The following MECOM variants were observed in gnomAD, a reference collection of about 807,000 sequenced individuals.
The protein encoded by MECOM is MDS1 and EVI1 complex locus.
MECOM carries 13 observed loss-of-function variants against 116.3 expected under a neutral mutation model. The ratio of observed to expected loss-of-function variants is 0.11; its 90% CI spans 0.07 to 0.18. The LOEUF is 0.18. Among genes scored for constraint, MECOM ranks in the 10% least tolerant of loss-of-function variants. MECOM has a pLI of 1.00. For synonymous variants in MECOM, 528 were observed against 535.2 expected (o/e 0.99, Z 0.19); for missense variants, 1,299 against 1,509.0 (o/e 0.86, Z 2.31).
chr3:169,322,607 GA>G (rs748692276), intron 2 of MECOM, among the ~76,000 whole-genome samples: 15 of 151,930 alleles, frequency 9.9e-5, no homozygotes, highest in Non-Finnish European at 1.6e-4. Context: ...ATTCTTCCTG[GA>G]GTGTTCACCA....
intron 2 of MECOM, among the ~76,000 whole-genome samples, chr3:169,292,105 G>C (rs1212371056): frequency 6.6e-6 from 1 of 152,066 alleles, no homozygotes; most frequent in African/African-American, 2.4e-5. Context: ...TTTTTTGGGA[G>C]GCCGAGGCAG....
chr3:169,475,472 CTG>C (rs1423138426), intron 1 of MECOM, among the ~76,000 whole-genome samples: 1 of 152,118 alleles, frequency 6.6e-6, no homozygotes, highest in East Asian at 1.9e-4. Context: ...ACAAGCCAAA[CTG>C]AGAATTTCTA....
chr3:169,307,461 C>T (rs1717932794), intron 2 of MECOM, among the ~76,000 whole-genome samples: 1 of 152,118 alleles, frequency 6.6e-6, no homozygotes, highest in South Asian at 2.1e-4. Flanking sequence ...GTGGTCCCGG[C>T]TACTTGGGAG....
intron 1 of MECOM, among the ~76,000 whole-genome samples, chr3:169,657,158 G>C (rs1775636277): frequency 6.6e-6 from 1 of 152,202 alleles, no homozygotes; most frequent in Admixed American, 6.5e-5. Flanking sequence ...TCTGTCCCCT[G>C]TAGACCCAGT....
At chr3:169,613,504 T>C (rs1769539088) in intron 1 of MECOM, 1 of 152,254 alleles carries the variant, frequency 6.6e-6, no homozygotes, top group Non-Finnish European at 1.5e-5. Flanking sequence ...TGTGGACCTG[T>C]GACCCTGAGT....
chr3:169,355,208 A>C (rs1186163675), intron 2 of MECOM, among the ~76,000 whole-genome samples: 1 of 151,918 alleles, frequency 6.6e-6, no homozygotes. Flanking sequence ...CATATGCATA[A>C]TTTTGTTTGA....
chr3:169,164,316 A>T (rs529815188), intron 2 of MECOM, among the ~76,000 whole-genome samples: 5 of 152,242 alleles, frequency 3.3e-5, no homozygotes, highest in African/African-American at 1.2e-4. Flanking sequence ...TGCCATCCAC[A>T]TAAGATGTGA....
At chr3:169,096,149 G>T (rs73029115) in intron 12 of MECOM, among the ~76,000 whole-genome samples, 4,392 of 152,004 alleles carry the variant, frequency 0.029, 200 homozygotes, top group African/African-American at 0.1. Context: ...AGGGTTTTTA[G>T]TAATTGAGAA....
intron 1 of MECOM, among the ~76,000 whole-genome samples, chr3:169,631,133 A>T (rs1772029491): frequency 6.6e-6 from 1 of 152,254 alleles, no homozygotes; most frequent in African/African-American, 2.4e-5. Flanking sequence ...CTGGCTTCAA[A>T]GCCCAGCCTT....
rs1243528244 is a variant in MECOM at position 169,116,179 on chromosome 3, A to C, written c.1693T>G (p.Ser565Ala). 1 of 1,614,176 alleles carries C rather than the reference A, an allele frequency of 6.2e-7. No individual in the cohort carries two copies. The highest frequency in any genetic ancestry group is 1.1e-5 in the South Asian group (1 of 91,084). Residue 565 changes from serine (S) to alanine (A), a missense_variant, in exon 8 of 17, where the codon TCT (serine) becomes GCT (alanine). By Grantham distance (99) the Ser-to-Ala change is moderately conservative. Coordinates refer to ENST00000651503, the MANE Select transcript of MECOM (RefSeq NM_004991.4). ...ATTTTCTCAAAGGGCCTCTCTTCAGAGGACCTCTCGGGCTGGAGCTCCACT... is the reference window on the plus strand; with the variant it reads ...ATTTTCTCAAAGGGCCTCTCTTCAGCGGACCTCTCGGGCTGGAGCTCCACT... Reference protein sequence around the residue: ...KPVELQPERSSEERPFEKISD... With the variant: ...KPVELQPERSAEERPFEKISD...
intron 2 of MECOM, among the ~76,000 whole-genome samples, chr3:169,155,959 T>A (rs1026497930): frequency 2.6e-5 from 4 of 152,210 alleles, no homozygotes; most frequent in African/African-American, 9.6e-5. Context: ...CAGTATGTAA[T>A]ATTAAAAGCA....
chr3:169,409,874 G>A (rs985212272), intron 1 of MECOM, among the ~76,000 whole-genome samples: 1 of 152,166 alleles, frequency 6.6e-6, no homozygotes, highest in African/African-American at 2.4e-5. Flanking sequence ...GTAACCTAAA[G>A]TCAGAGAAAA....
At chr3:169,463,104 T>C (rs1441420734) in intron 1 of MECOM, among the ~76,000 whole-genome samples, 1 of 152,178 alleles carries the variant, frequency 6.6e-6, no homozygotes, top group Non-Finnish European at 1.5e-5. Flanking sequence ...GGCACACATT[T>C]ATATGTCTGT....
At chr3:169,495,146 T>C (rs980437867) in intron 1 of MECOM, among the ~76,000 whole-genome samples, 5 of 152,196 alleles carry the variant, frequency 3.3e-5, no homozygotes, top group Non-Finnish European at 5.9e-5. Flanking sequence ...AGTGCTATTT[T>C]CCAACCCGTT....
intron 3 of MECOM, among the ~76,000 whole-genome samples, chr3:169,137,367 AG>A (rs1736683547): frequency 6.6e-6 from 1 of 152,140 alleles, no homozygotes; most frequent in South Asian, 2.1e-4. Flanking sequence ...ACTCCAATTC[AG>A]GAATGATGTA....
intron 2 of MECOM, among the ~76,000 whole-genome samples, chr3:169,198,822 G>GATC (rs1748780593): frequency 6.6e-6 from 1 of 151,908 alleles, no homozygotes; most frequent in African/African-American, 2.4e-5. Context: ...TATGATAAAA[G>GATC]ATCAAGCAGC....
Position 169,083,874 on chromosome 3 carries a change from G to A in MECOM, c.*1035C>T, listed in dbSNP as rs1251355959. On this transcript the variant is annotated 3_prime_UTR_variant, in exon 17 of 17. Coordinates refer to ENST00000651503, the MANE Select transcript of MECOM (RefSeq NM_004991.4). The stretch of plus-strand genomic sequence containing the variant: ...TTATAATCGTTTATACAATTGAATC[G>A]ATTTCAGTATTACAAAAACTAAGTT... 2.7e-5 allele frequency: 6 copies of A among 219,128 alleles called. No homozygotes were observed. The highest frequency in any genetic ancestry group is 1.3e-4 in the East Asian group (2 of 14,904). The allele number at this position is 219,128 out of a possible 1,614,324, so 13.6% of individuals were successfully genotyped here.
chr3:169,654,021 G>T (rs192496960), intron 1 of MECOM, among the ~76,000 whole-genome samples: 1 of 152,164 alleles, frequency 6.6e-6, no homozygotes, highest in Non-Finnish European at 1.5e-5. Context: ...CATTGATAAT[G>T]CTTATATGCA....
chr3:169,632,382 A>T (rs1035430142), intron 1 of MECOM, among the ~76,000 whole-genome samples: 11 of 148,802 alleles, frequency 7.4e-5, no homozygotes, highest in Non-Finnish European at 1.3e-4. Context: ...CCAATCAGGT[A>T]ATACTTCGGA....
Sources: gnomAD v4.1 joint callset for allele counts (sites outside exome capture counted in the v4.1 genomes callset) on GRCh38, gnomAD v4.1.1 for gene constraint, MANE v1.5 for transcripts, NCBI Gene and HGNC (gene_info 2026-07-23, HGNC 2026-07-21) for gene names.